The following UPP1 variants were observed in gnomAD, a reference collection of about 807,000 sequenced individuals.
The protein encoded by UPP1 is UPase 1.
Under a neutral mutation model 29.6 loss-of-function variants are expected in UPP1, and 25 were observed. The observed-to-expected ratio is 0.85, with a 90% CI of 0.62 to 1.18. The LOEUF is 1.18. Among genes scored for constraint, UPP1 ranks in the 50% most tolerant of loss-of-function variants. UPP1 has a pLI of 0.00. For missense variants in UPP1, 368 were observed against 410.4 expected (o/e 0.90, Z 0.89); for synonymous variants, 165 against 159.8 (o/e 1.03, Z -0.25).
intron 6 of UPP1, chr7:48,106,289 G>A (rs1416626251): frequency 6.4e-6 from 1 of 155,704 alleles, no homozygotes; most frequent in African/African-American, 2.4e-5. Context: ...GTACTTGAAG[G>A]TTCCTGGCCA....
intron 6 of UPP1, chr7:48,106,313 C>CTT: frequency 6.5e-6 from 1 of 152,906 alleles, no homozygotes; most frequent in Admixed American, 6.3e-5. Flanking sequence ...TTATTTTATT[C>CTT]TTTTTTTTTT....
intron 6 of UPP1, 86 bp from the exon 7 acceptor site, chr7:48,106,787 G>T: frequency 1.6e-6 from 2 of 1,229,252 alleles, no homozygotes; most frequent in Admixed American, 1.9e-5. Flanking sequence ...TCTTCCATAT[G>T]CTCTGCTGTG....
chr7:48,107,707 T>C (rs542629203), intron 8 of UPP1, among the ~76,000 whole-genome samples, 200 bp downstream of exon 8: 17 of 152,310 alleles, frequency 1.1e-4, no homozygotes, highest in Middle Eastern at 6.8e-3. Flanking sequence ...CCTGACAAAA[T>C]GCAGGATTCT....
At chr7:48,098,620 C>T (rs1002667019) in intron 3 of UPP1, among the ~76,000 whole-genome samples, 72 of 152,234 alleles carry the variant, frequency 4.7e-4, no homozygotes, top group Middle Eastern at 6.8e-3. Flanking sequence ...TTTCCAAATC[C>T]GTGGCAGCTG....
intron 1 of UPP1, among the ~76,000 whole-genome samples, chr7:48,089,964 A>G (rs1224009710): frequency 6.6e-6 from 1 of 152,232 alleles, no homozygotes; most frequent in Non-Finnish European, 1.5e-5. Flanking sequence ...GTAAAATTTC[A>G]TTTGGAGGAT....
rs374080584 is a variant in UPP1 at position 48,099,773 on chromosome 7, T to C, written c.148T>C (p.Phe50Leu). 1 of 1,610,898 alleles carries C rather than the reference T, an allele frequency of 6.2e-7. No individual in the cohort carries two copies. The highest frequency in any genetic ancestry group is 1.3e-5 in the African/African-American group (1 of 74,984). Reference protein sequence around the residue: ...TTSRHNFPALFGDVKFVCVGG... With the variant: ...TTSRHNFPALLGDVKFVCVGG... ...TAGCAGACACAATTTCCCAGCCTTG[T>C]TTGGAGATGTGAAGGTAAGAGGCCA... Residue 50 changes from phenylalanine (F) to leucine (L), a missense_variant, in exon 4 of 9, where the codon TTT (phenylalanine) becomes CTT (leucine). Phe to Leu is a conservative substitution (Grantham distance 22). Coordinates refer to ENST00000395564, the MANE Select transcript of UPP1 (RefSeq NM_003364.4).
At chr7:48,093,721 G>A (rs954060913) in intron 2 of UPP1, among the ~76,000 whole-genome samples, 13 of 152,160 alleles carry the variant, frequency 8.5e-5, no homozygotes, top group African/African-American at 2.4e-4. Context: ...CAGTGGAGAC[G>A]GGGCCGTGGG....
rs1191711576 is a variant in UPP1, at chr7:48,106,857, C to G, written c.437-16C>G. 1 of 1,613,144 alleles carries G rather than the reference C, an allele frequency of 6.2e-7. No homozygotes were observed. The highest frequency in any genetic ancestry group is 8.5e-7 in the Non-Finnish European group (1 of 1,179,620). The stretch of plus-strand genomic sequence containing the variant: ...TTTTACACCCTGCATATCTTGATGT[C>G]TGCTTTTTTCCTCAGGTCTGGAGCC... On this transcript the variant is annotated splice_polypyrimidine_tract_variant and intron_variant, in intron 6 of 8. Coordinates refer to ENST00000395564, the MANE Select transcript of UPP1 (RefSeq NM_003364.4).
intron 5 of UPP1, 80 bp downstream of exon 5, chr7:48,102,062 C>A: frequency 6.7e-7 from 1 of 1,487,692 alleles, no homozygotes; most frequent in Non-Finnish European, 9.1e-7. Flanking sequence ...ACACAGACAG[C>A]TGGTCCCCTA....
intron 2 of UPP1, among the ~76,000 whole-genome samples, chr7:48,091,348 A>G (rs1791823064): frequency 6.7e-6 from 1 of 149,692 alleles, no homozygotes; most frequent in Non-Finnish European, 1.5e-5. Flanking sequence ...GCCCCAGGTG[A>G]TCACCGAAAA....
intron 6 of UPP1, chr7:48,104,766 G>C (rs1156303954): frequency 1.3e-5 from 2 of 152,246 alleles, no homozygotes; most frequent in East Asian, 3.8e-4. Context: ...GGTCCTGCAA[G>C]CTTAGTCTCC....
intron 4 of UPP1, among the ~76,000 whole-genome samples, chr7:48,100,400 T>C (rs1356368231): frequency 4.6e-5 from 7 of 152,208 alleles, no homozygotes; most frequent in Non-Finnish European, 1.5e-5. Context: ...TAATGCTTCA[T>C]TGAGAGAAGA....
At chr7:48,105,802 A>G (rs182028947) in intron 6 of UPP1, 246 of 152,156 alleles carry the variant, frequency 1.6e-3, no homozygotes, top group African/African-American at 5.8e-3. Flanking sequence ...CACCCTCATG[A>G]CCTAATCACC....
At chr7:48,108,092 A>C in intron 8 of UPP1, 126 bp from the exon 9 acceptor site, 2 of 1,407,842 alleles carry the variant, frequency 1.4e-6, no homozygotes. Context: ...GCCTGACTGC[A>C]TGGGCAGCCT....
intron 6 of UPP1, chr7:48,104,000 ACAAGATCGGGAGATCG>A: frequency 1.1e-6 from 1 of 941,620 alleles, no homozygotes; most frequent in Admixed American, 3.5e-5. Context: ...CGGGCGGATC[ACAAGATCGGGAGATCG>A]AGACCATCCT....
chr7:48,099,644 C>T, intron 3 of UPP1, 26 bp from the exon 4 acceptor site: 9 of 1,511,728 alleles, frequency 6.0e-6, no homozygotes, highest in Non-Finnish European at 8.3e-6. Flanking sequence ...GTTCTATAAG[C>T]CTTCCACTTT....
intron 3 of UPP1, among the ~76,000 whole-genome samples, chr7:48,095,091 T>C (rs559527908): frequency 2.0e-5 from 3 of 152,282 alleles, no homozygotes; most frequent in African/African-American, 4.8e-5. Flanking sequence ...TGCTCAAATC[T>C]CTGTCTAGTA....
At chr7:48,100,705 T>G (rs2128812981) in intron 4 of UPP1, among the ~76,000 whole-genome samples, 1 of 152,346 alleles carries the variant, frequency 6.6e-6, no homozygotes, top group African/African-American at 2.4e-5. Flanking sequence ...GGGATCATAA[T>G]TAAACAATAG....
intron 3 of UPP1, among the ~76,000 whole-genome samples, chr7:48,096,178 C>T (rs1792118892): frequency 6.6e-6 from 1 of 152,128 alleles, no homozygotes; most frequent in Admixed American, 6.5e-5. Context: ...GGGTTTCCTC[C>T]CCTTCCCTCT....
Sources: allele counts gnomAD v4.1 joint callset (sites outside exome capture counted in the v4.1 genomes callset), GRCh38; gene constraint gnomAD v4.1.1; transcripts MANE v1.5; gene names NCBI Gene and HGNC (gene_info 2026-07-23, HGNC 2026-07-21).